Variants in CFAP95 observed in about 807,000 individuals in gnomAD.
CFAP95 encodes the protein cilia- and flagella-associated protein 95.
At chr9:69,847,887 T>A in the CFAP95 span, among the ~76,000 whole-genome samples, 1 of 152,224 alleles carries the variant, frequency 6.6e-6, no homozygotes, top group Non-Finnish European at 1.5e-5. Context: ...CTTACTTTTG[T>A]CTACGTTTTG....
the CFAP95 span, among the ~76,000 whole-genome samples, chr9:69,876,344 C>G: frequency 6.6e-6 from 1 of 151,948 alleles, no homozygotes; most frequent in African/African-American, 2.4e-5. Context: ...ACCAGCCTGG[C>G]CAACATGACA....
At chr9:69,889,600 C>A in the CFAP95 span, among the ~76,000 whole-genome samples, 2 of 152,212 alleles carry the variant, frequency 1.3e-5, no homozygotes, top group South Asian at 4.1e-4. Flanking sequence ...AACCCCTAGC[C>A]TCTGAATTGT....
chr9:69,864,293 GA>G, the CFAP95 span, among the ~76,000 whole-genome samples: 1 of 152,110 alleles, frequency 6.6e-6, no homozygotes, highest in South Asian at 2.1e-4. Flanking sequence ...GTAGCTTTTG[GA>G]AATTGTGTGT....
At chr9:69,828,692 A>AAAAAT in the CFAP95 span, among the ~76,000 whole-genome samples, 2 of 152,218 alleles carry the variant, frequency 1.3e-5, no homozygotes, top group South Asian at 2.1e-4. Context: ...CCTGTTTCCA[A>AAAAAT]AAAATAAAAT....
the CFAP95 span, among the ~76,000 whole-genome samples, chr9:69,839,578 C>T: frequency 6.6e-6 from 1 of 151,794 alleles, no homozygotes; most frequent in East Asian, 2.0e-4. Flanking sequence ...AGGCACGTGC[C>T]ACCGTGCCCA....
the CFAP95 span, among the ~76,000 whole-genome samples, chr9:69,846,364 CT>C: frequency 6.6e-6 from 1 of 152,048 alleles, no homozygotes; most frequent in Admixed American, 6.6e-5. Flanking sequence ...GTCTGTATGT[CT>C]TTTTGTTGAT....
chr9:69,845,026 A>G, the CFAP95 span, among the ~76,000 whole-genome samples: 1 of 152,180 alleles, frequency 6.6e-6, no homozygotes, highest in African/African-American at 2.4e-5. Context: ...AAGACTAAGC[A>G]ACTTACTCAA....
chr9:69,864,209 A>C, the CFAP95 span, among the ~76,000 whole-genome samples: 7 of 152,306 alleles, frequency 4.6e-5, no homozygotes, highest in Admixed American at 1.3e-4. Flanking sequence ...GACTCGTTTC[A>C]ACAATTCATC....
the CFAP95 span, among the ~76,000 whole-genome samples, chr9:69,832,617 C>A: frequency 6.2e-5 from 1 of 16,090 alleles, no homozygotes; most frequent in Non-Finnish European, 1.1e-4. Flanking sequence ...ATAGTCTATT[C>A]GGATTTTTTT....
At chr9:69,861,197 CAAT>C in the CFAP95 span, among the ~76,000 whole-genome samples, 1 of 152,148 alleles carries the variant, frequency 6.6e-6, no homozygotes, top group African/African-American at 2.4e-5. Flanking sequence ...ACAAAGGCAA[CAAT>C]GTCAATAGAA....
chr9:69,838,108 A>G, the CFAP95 span, among the ~76,000 whole-genome samples: 6 of 152,180 alleles, frequency 3.9e-5, no homozygotes, highest in Non-Finnish European at 7.3e-5. Flanking sequence ...TTTTGGTACC[A>G]GTACCATGCT....
the CFAP95 span, among the ~76,000 whole-genome samples, chr9:69,832,424 TGTG>T: frequency 6.6e-6 from 1 of 152,142 alleles, no homozygotes; most frequent in Non-Finnish European, 1.5e-5. Flanking sequence ...GCGCGTGTAA[TGTG>T]GTAAGTCTTG....
the CFAP95 span, among the ~76,000 whole-genome samples, chr9:69,842,751 C>A: frequency 6.6e-6 from 1 of 152,160 alleles, no homozygotes; most frequent in East Asian, 1.9e-4. Flanking sequence ...GTGAAAGCTT[C>A]CTGTTAGGAT....
the CFAP95 span, among the ~76,000 whole-genome samples, chr9:69,845,189 A>G: frequency 6.6e-6 from 1 of 152,156 alleles, no homozygotes; most frequent in Non-Finnish European, 1.5e-5. Flanking sequence ...TACAAGAAAA[A>G]TATTTATGGC....
the CFAP95 span, among the ~76,000 whole-genome samples, chr9:69,837,867 C>T: frequency 2.6e-5 from 4 of 152,160 alleles, no homozygotes; most frequent in African/African-American, 9.7e-5. Context: ...GGTTTTAGGT[C>T]TAACGTTTAA....
At chr9:69,834,220 G>A in the CFAP95 span, among the ~76,000 whole-genome samples, 25 of 152,122 alleles carry the variant, frequency 1.6e-4, no homozygotes, top group African/African-American at 5.8e-4. Context: ...TCCCTCTTTA[G>A]CCCTACTTTT....
At chr9:69,905,524 G>C in the CFAP95 span, among the ~76,000 whole-genome samples, 1 of 152,104 alleles carries the variant, frequency 6.6e-6, no homozygotes, top group African/African-American at 2.4e-5. Flanking sequence ...CAGTGTCATG[G>C]GAAGTATGAC....
the CFAP95 span, among the ~76,000 whole-genome samples, chr9:69,860,604 C>T: frequency 1.7e-4 from 24 of 144,538 alleles, no homozygotes; most frequent in East Asian, 4.8e-3. Flanking sequence ...TATACCTTTT[C>T]TTTTTTTTTT....
chr9:69,878,204 A>G, the CFAP95 span, among the ~76,000 whole-genome samples: 1 of 152,012 alleles, frequency 6.6e-6, no homozygotes, highest in Non-Finnish European at 1.5e-5. Context: ...CTTGTGTTTT[A>G]TTTCTCATTT....
Sources: allele counts gnomAD v4.1 joint callset (sites outside exome capture counted in the v4.1 genomes callset), GRCh38; gene constraint gnomAD v4.1.1; transcripts MANE v1.5; gene names NCBI Gene and HGNC (gene_info 2026-07-23, HGNC 2026-07-21).